The following GFRAL variants were observed in gnomAD, a reference collection of about 807,000 sequenced individuals.
The protein encoded by GFRAL is GDNF family receptor alpha-like.
GFRAL carries 36 observed loss-of-function variants against 45.4 expected under a neutral mutation model. That is an observed-to-expected ratio of 0.79 (90% CI 0.61 to 1.05). The LOEUF (loss-of-function observed/expected upper bound fraction) is 1.05, where lower values mean the gene tolerates loss of function less well. Among genes scored for constraint, GFRAL ranks in the 50% least tolerant of loss-of-function variants. GFRAL has a pLI of 0.00. For synonymous variants in GFRAL, 166 were observed against 154.1 expected (o/e 1.08, Z -0.57); for missense variants, 507 against 467.5 (o/e 1.08, Z -0.78).
chr6:55,340,941 G>A (rs1186637753), intron 3 of GFRAL, among the ~76,000 whole-genome samples: 1 of 152,204 alleles, frequency 6.6e-6, no homozygotes, highest in Non-Finnish European at 1.5e-5. Flanking sequence ...GCAGCAGTCT[G>A]AGATCAAACT....
rs6938704 is a variant in GFRAL at position 55,394,779 on chromosome 6, T to A, written c.953-4401T>A. ...ATGACTGCAAAGACATCAAATCTGGTGTATTTTCACACCACATTCAACAAT... is the reference window on the plus strand; with the variant it reads ...ATGACTGCAAAGACATCAAATCTGGAGTATTTTCACACCACATTCAACAAT... On this transcript the variant is annotated intron_variant, in intron 6 of 8. Coordinates refer to ENST00000340465, the MANE Select transcript of GFRAL (RefSeq NM_207410.2). 1.0e-3 allele frequency among the ~76,000 whole-genome samples: 155 copies of A among 151,976 alleles called. 2 individuals carry two copies. The highest frequency in any genetic ancestry group is 3.6e-3 in the African/African-American group (150 of 41,444).
At chr6:55,397,504 G>A (rs550594082) in intron 6 of GFRAL, among the ~76,000 whole-genome samples, 7 of 99,056 alleles carry the variant, frequency 7.1e-5, no homozygotes, top group South Asian at 3.5e-4. Flanking sequence ...CGGCCTGGGC[G>A]ACAGAGCGAG....
In GFRAL at chr6:55,333,749, A is replaced by T. The variant is rs191894873; in HGVS notation, c.158-37A>T. Reference sequence around the variant, plus strand: ...GGAGGAAGAATCCAAAATTATAATCAGATTAATATCTATAGTGTTATGTGT... The same window carrying T: ...GGAGGAAGAATCCAAAATTATAATCTGATTAATATCTATAGTGTTATGTGT... On this transcript the variant is annotated intron_variant, in intron 2 of 8. Transcript: ENST00000340465. 5.2e-6 allele frequency: 7 copies of T among 1,358,454 alleles called. No individual in the cohort carries two copies. The East Asian group carries it at 1.8e-4, about 35-fold the overall frequency. The allele number at this position is 1,358,454 out of a possible 1,614,324, so 84.2% of individuals were successfully genotyped here. A position where few individuals can be genotyped will look rare whatever the true frequency, so the allele number is the denominator to read the frequency against.
At chr6:55,365,051 T>C (rs879882057) in intron 6 of GFRAL, among the ~76,000 whole-genome samples, 7,060 of 150,110 alleles carry the variant, frequency 0.047, 251 homozygotes, top group African/African-American at 0.088. Flanking sequence ...TTTCACAATA[T>C]TGATTCTTCC....
chr6:55,363,511 T>C (rs1259093004), intron 6 of GFRAL, among the ~76,000 whole-genome samples: 1 of 151,332 alleles, frequency 6.6e-6, no homozygotes, highest in Non-Finnish European at 1.5e-5. Flanking sequence ...TATGTATACA[T>C]GTGCCATGCT....
intron 1 of GFRAL, among the ~76,000 whole-genome samples, chr6:55,330,372 T>C (rs1293479066): frequency 6.6e-6 from 1 of 152,126 alleles, no homozygotes; most frequent in Non-Finnish European, 1.5e-5. Flanking sequence ...AATCCAGTGG[T>C]GGAGACAGGC....
At chr6:55,331,626 A>G (rs1767830437) in intron 1 of GFRAL, 89 bp from the exon 2 acceptor site, 1 of 1,210,852 alleles carries the variant, frequency 8.3e-7, no homozygotes, top group Non-Finnish European at 1.2e-6. Context: ...ATTTTCCATA[A>G]TTCTGCTCTT....
chr6:55,353,801 G>A (rs977014851), intron 5 of GFRAL, among the ~76,000 whole-genome samples: 1 of 151,896 alleles, frequency 6.6e-6, no homozygotes, highest in Non-Finnish European at 1.5e-5. Flanking sequence ...TGTTATTGTT[G>A]TTGTACATAA....
Position 55,331,820 on chromosome 6 carries a change from G to C in GFRAL, c.128G>C (p.Arg43Thr). Residue 43 changes from arginine to threonine, a missense_variant, in exon 2 of 9, where the codon AGA becomes ACA. Coordinates refer to ENST00000340465, the MANE Select transcript of GFRAL (RefSeq NM_207410.2). ...GCAAATGGATGTAAACATGCTTGGA[G>C]AGTAATGGAAGATGCCTGCAATGAT... is the stretch of plus-strand genomic sequence containing the variant. ...RDANGCKHAW[R>T]VMEDACNDSD... 1 of 1,611,354 alleles carries C rather than the reference G, an allele frequency of 6.2e-7. No homozygotes were observed. Among genetic ancestry groups the C allele is most frequent in the Non-Finnish European group, 8.5e-7 (1 of 1,178,978 alleles).
rs2127353240 is a variant in GFRAL at position 55,344,683 on chromosome 6, C to A, written c.317-5409C>A. Among the ~76,000 whole-genome samples the A allele has an allele frequency of 2.6e-5, 4 of 152,310 alleles. No individual in the cohort carries two copies. The Middle Eastern group carries it at 0.014, about 518-fold the overall frequency. ...CCTATTCAACATAGTGTTGGAAGTT[C>A]TGGCCAGCGCAATCAGGCAGGAGAA... On this transcript the variant is annotated intron_variant, in intron 3 of 8. Coordinates refer to ENST00000340465, the MANE Select transcript of GFRAL (RefSeq NM_207410.2).
rs1562055089 is a variant in GFRAL at position 55,358,141 on chromosome 6, T to G, written c.702-747T>G. 2.0e-5 allele frequency among the ~76,000 whole-genome samples: 3 copies of G among 151,956 alleles called. No homozygotes were observed. In the South Asian group the frequency reaches 6.2e-4, roughly 31 times the overall value. ...TGGTTTTTTAACATAGCAGCATCCATGTGGACAAATAACTTCATGAAAATG... is the reference window on the plus strand; with the variant it reads ...TGGTTTTTTAACATAGCAGCATCCAGGTGGACAAATAACTTCATGAAAATG... On this transcript the variant is annotated intron_variant, in intron 5 of 8. Transcript: ENST00000340465.
In GFRAL at chr6:55,328,076, A is replaced by T. The variant is rs116601884; in HGVS notation, c.22+500A>T. Among the ~76,000 whole-genome samples the T allele has an allele frequency of 1.5e-3, 231 of 152,066 alleles. 1 individual carries two copies. Among genetic ancestry groups the T allele is most frequent in the Middle Eastern group, 3.5e-3 (1 of 288 alleles). ...ACTAGAAGTAATTTAGTGAAGTAAA[A>T]CCACTTAACACCATATCAGAATGCT... On this transcript the variant is annotated intron_variant, in intron 1 of 8. Coordinates refer to ENST00000340465, the MANE Select transcript of GFRAL (RefSeq NM_207410.2).
intron 3 of GFRAL, among the ~76,000 whole-genome samples, chr6:55,345,882 A>T (rs1020910546): frequency 1.3e-5 from 2 of 152,248 alleles, no homozygotes; most frequent in African/African-American, 4.8e-5. Context: ...TGAGTGAAGG[A>T]TATGAACAGA....
chr6:55,358,887 G>A lies in GFRAL; in HGVS notation c.702-1G>A. 1.2e-6 allele frequency: 2 copies of A among 1,611,338 alleles called. No individual in the cohort carries two copies. The highest frequency in any genetic ancestry group is 1.1e-5 in the South Asian group (1 of 90,986). On this transcript the variant is annotated splice_acceptor_variant, in intron 5 of 8. Coordinates refer to ENST00000340465, the MANE Select transcript of GFRAL (RefSeq NM_207410.2). LOFTEE classifies it high-confidence loss of function. ...ATTATTTTTCTTCACTCTTTCTCTA[G>A]GAGGCACTATAGAACATTTCAGTCA...
intron 6 of GFRAL, among the ~76,000 whole-genome samples, chr6:55,377,199 C>T (rs1042928877): frequency 2.0e-5 from 3 of 151,918 alleles, no homozygotes; most frequent in African/African-American, 4.8e-5. Flanking sequence ...CTTTCCAGCC[C>T]CCAATAGGCA....
At chr6:55,368,056 C>T (rs1299776039) in intron 6 of GFRAL, among the ~76,000 whole-genome samples, 3 of 148,986 alleles carry the variant, frequency 2.0e-5, no homozygotes, top group East Asian at 2.0e-4. Flanking sequence ...TGGTTCCATT[C>T]TCCCCATCAC....
In GFRAL at chr6:55,402,409, G is replaced by A. The variant is rs1263776987; in HGVS notation, c.*556G>A. The stretch of plus-strand genomic sequence containing the variant: ...ACATATAATAATATGGCATGATGAT[G>A]TTATTTTTTTCTTAATACTCAAGAA... On this transcript the variant is annotated 3_prime_UTR_variant, in exon 9 of 9. Transcript: ENST00000340465. 6.7e-6 allele frequency: 1 copy of A among 148,632 alleles called. No individual in the cohort carries two copies. The highest frequency in any genetic ancestry group is 1.5e-5 in the Non-Finnish European group (1 of 66,714). 9.2% of individuals were successfully genotyped at this position (148,632 alleles called of 1,614,324 possible).
intron 5 of GFRAL, 29 bp downstream of exon 5, chr6:55,351,612 C>T: frequency 2.6e-6 from 4 of 1,513,706 alleles, no homozygotes; most frequent in Non-Finnish European, 3.6e-6. Flanking sequence ...ACCTTACTTT[C>T]TTATTTCGGC....
intron 6 of GFRAL, among the ~76,000 whole-genome samples, chr6:55,362,231 T>A (rs1193550650): frequency 6.6e-6 from 1 of 151,244 alleles, no homozygotes; most frequent in African/African-American, 2.4e-5. Flanking sequence ...CCTGGCTGGT[T>A]GACTTGGAGC....
Sources: allele counts gnomAD v4.1 joint callset (sites outside exome capture counted in the v4.1 genomes callset), GRCh38; gene constraint gnomAD v4.1.1; transcripts MANE v1.5; gene names NCBI Gene and HGNC (gene_info 2026-07-23, HGNC 2026-07-21).